Variants in CUL4B observed in about 807,000 individuals in gnomAD.
The protein encoded by CUL4B is cullin-4B.
A neutral mutation model predicts 69.2 loss-of-function variants in CUL4B; 1 was observed. That is an observed-to-expected ratio of 0.01 (90% CI 0.01 to 0.07). The LOEUF is 0.07. Ranked by LOEUF, CUL4B falls within the 10% of genes least tolerant of loss-of-function variation. The probability of loss-of-function intolerance (pLI) is 1.00; values close to 1 mark genes in which losing one functional copy is unlikely to be tolerated. For missense variants in CUL4B, 328 were observed against 638.8 expected (o/e 0.51, Z 5.24); for synonymous variants, 237 against 223.2 (o/e 1.06, Z -0.55).
chrX:120,559,495 A>G (rs1925160673), intron 1 of CUL4B, among the ~76,000 whole-genome samples: 1 of 112,398 alleles, frequency 8.9e-6, no homozygotes, highest in African/African-American at 3.2e-5. Context: ...CAGAGTTACT[A>G]CTTCTGTGTA....
chrX:120,528,175 G>C (rs1013866784), intron 19 of CUL4B, among the ~76,000 whole-genome samples: 3 of 110,650 alleles, frequency 2.7e-5, no homozygotes, highest in Non-Finnish European at 5.7e-5. Flanking sequence ...GGGAGGCTAA[G>C]ATGGGTGGAT....
Position 120,560,301 on chromosome X carries a change from T to C in CUL4B, c.338A>G (p.Asp113Gly). 1.7e-6 allele frequency: 2 copies of C among 1,211,686 alleles called. No individual in the cohort carries two copies. The highest frequency in any genetic ancestry group is 2.2e-6 in the Non-Finnish European group (2 of 895,498). Reference sequence around the variant, plus strand: ...GGAGGATTCCTCAGCCATCTTCGCATCAAACCCTACAAACTCCAGGGTGTC... The same window carrying C: ...GGAGGATTCCTCAGCCATCTTCGCACCAAACCCTACAAACTCCAGGGTGTC... ...FEDTLEFVGF[D>G]AKMAEESSSS... Residue 113 changes from aspartate (D) to glycine (G), a missense_variant, in exon 1 of 20, where the codon GAT (aspartate) becomes GGT (glycine). Around this residue, in one of 4 missense-constraint regions of CUL4B, gnomAD observed 102 missense variants for 122.1 expected, o/e 0.84. Transcript: ENST00000371322.
In CUL4B at chrX:120,525,350, T is replaced by C. The variant is rs1158697329; in HGVS notation, c.*1411A>G. 9.0e-6 allele frequency: 1 copy of C among 111,606 alleles called. No individual in the cohort carries two copies. The highest frequency in any genetic ancestry group is 1.9e-5 in the Non-Finnish European group (1 of 53,094). 9.2% of individuals were successfully genotyped at this position (111,606 alleles called of 1,213,427 possible). ...TGTGGCAAAAAGCATTAAGTAGTTC[T>C]GATTTTTAACAAACATAAACAAAAT... On this transcript the variant is annotated 3_prime_UTR_variant, in exon 20 of 20. Coordinates refer to ENST00000371322, the MANE Select transcript of CUL4B (RefSeq NM_001079872.2).
intron 17 of CUL4B, among the ~76,000 whole-genome samples, chrX:120,533,660 C>T (rs1287170388): frequency 8.9e-6 from 1 of 111,845 alleles, no homozygotes; most frequent in Non-Finnish European, 1.9e-5. Context: ...TGCCAGTCCA[C>T]GGTGATCTCT....
chrX:120,547,807 A>G (rs1312531806), intron 2 of CUL4B, among the ~76,000 whole-genome samples: 1 of 111,213 alleles, frequency 9.0e-6, no homozygotes, highest in Non-Finnish European at 1.9e-5. Context: ...ATCAGCTTCC[A>G]GTGAATATAA....
chrX:120,537,261 C>T (rs1022217953), intron 14 of CUL4B, among the ~76,000 whole-genome samples: 7 of 112,189 alleles, frequency 6.2e-5, no homozygotes, highest in Non-Finnish European at 1.1e-4. Context: ...CACATGACCT[C>T]ATTACAGGCG....
Position 120,539,346 on chromosome X carries a change from C to T in CUL4B, c.1663G>A (p.Ala555Thr), listed in dbSNP as rs1360202637. The change falls in exon 12 of 20, where the codon GCA becomes ACA. Residue 555 changes from alanine to threonine, a missense_variant. Around this residue, in one of 4 missense-constraint regions of CUL4B, gnomAD observed 98 missense variants for 296.8 expected, o/e 0.33. Transcript: ENST00000371322. ...TCATCTGTAGCTTCTTTGTTGCCTG[C>T]ACGAAGTTTTGAATCTACATACTTA... ...IAKYVDSKLR[A>T]GNKEATDEEL... 8.4e-7 allele frequency: 1 copy of T among 1,196,512 alleles called. No homozygotes were observed. Among genetic ancestry groups the T allele is most frequent in the Non-Finnish European group, 1.1e-6 (1 of 884,066 alleles).
Position 120,554,246 on chromosome X carries a change from G to A in CUL4B, c.672+3678C>T, listed in dbSNP as rs770822489. ...AAAAAACCCTACCATATAGGTAGCC[G>A]TTAGTCTCACCATCTTGTAAATGAG... is the stretch of plus-strand genomic sequence containing the variant. On this transcript the variant is annotated intron_variant, in intron 2 of 19. Transcript: ENST00000371322. Among the ~76,000 whole-genome samples the A allele has an allele frequency of 2.3e-4, 26 of 112,076 alleles. No homozygotes were observed. The South Asian group carries it at 7.7e-3, about 33-fold the overall frequency.
At chrX:120,543,870 A>C (rs1048784377) in intron 7 of CUL4B, 61 bp from the exon 8 acceptor site, 72 of 867,184 alleles carry the variant, frequency 8.3e-5, no homozygotes, top group Non-Finnish European at 1.1e-4. Flanking sequence ...GAAAATGTCA[A>C]GTCCAAAAGA....
upstream of CUL4B, among the ~76,000 whole-genome samples, chrX:120,565,330 T>C: frequency 9.2e-6 from 1 of 109,245 alleles, no homozygotes; most frequent in African/African-American, 3.3e-5. Context: ...TGAAGATGTT[T>C]CTGAGAATGC....
intron 2 of CUL4B, among the ~76,000 whole-genome samples, chrX:120,557,417 C>T (rs778922364): frequency 3.6e-5 from 4 of 111,583 alleles, no homozygotes; most frequent in Admixed American, 9.5e-5. Context: ...CTACAAACTG[C>T]TACTCATTTC....
chrX:120,543,023 T>C lies in CUL4B; in HGVS notation c.1267A>G (p.Ile423Val). The C allele has an allele frequency of 8.5e-7, 1 of 1,180,688 alleles. No individual in the cohort carries two copies. Among genetic ancestry groups the C allele is most frequent in the African/African-American group, 1.8e-5 (1 of 56,889 alleles). The change falls in exon 9 of 20, where the codon ATT (isoleucine) becomes GTT (valine). Residue 423 changes from isoleucine (I) to valine (V), a missense_variant. Transcript: ENST00000371322. ...YLDQTTQKSL[I>V]ATVEKQLLGE... Reference sequence around the variant, plus strand: ...AGAAGTTGTTTTTCTACAGTAGCAATTAATGACTTCCTACAAGGAAAAAAA... The same window carrying C: ...AGAAGTTGTTTTTCTACAGTAGCAACTAATGACTTCCTACAAGGAAAAAAA...
rs746854249 is a variant in CUL4B, at chrX:120,543,041, G to GAAA, written c.1257-11_1257-9dup. 2 of 898,050 alleles carry GAAA rather than the reference G, an allele frequency of 2.2e-6. No homozygotes were observed. Among genetic ancestry groups the GAAA allele is most frequent in the Non-Finnish European group, 3.0e-6 (2 of 664,177 alleles). The allele number at this position is 898,050 out of a possible 1,213,427, so 74.0% of individuals were successfully genotyped here. On this transcript the variant is annotated splice_polypyrimidine_tract_variant and intron_variant, in intron 8 of 19. Transcript: ENST00000371322. The stretch of plus-strand genomic sequence containing the variant: ...GTAGCAATTAATGACTTCCTACAAG[G>GAAA]AAAAAAAAAAAGGTTAGTATTATTG...
At chrX:120,555,259 G>A (rs1245116880) in intron 2 of CUL4B, among the ~76,000 whole-genome samples, 5 of 111,351 alleles carry the variant, frequency 4.5e-5, no homozygotes, top group Non-Finnish European at 9.4e-5. Context: ...AAATATTCAA[G>A]GTAAAGTAAA....
chrX:120,532,596 TGAA>T lies in CUL4B; in HGVS notation c.2267-5_2267-3del. ...GTGTTCTCCTTAACTCTCCATCCTC[TGAA>T]GAAGAAACAGAGGTTTAGTTATTTG... On this transcript the variant is annotated splice_polypyrimidine_tract_variant and splice_region_variant and intron_variant, in intron 17 of 19. Coordinates refer to ENST00000371322, the MANE Select transcript of CUL4B (RefSeq NM_001079872.2). 2 of 1,203,428 alleles carry T rather than the reference TGAA, an allele frequency of 1.7e-6. No homozygotes were observed. Among genetic ancestry groups the T allele is most frequent in the Non-Finnish European group, 2.2e-6 (2 of 890,680 alleles).
rs183407878 is a variant in CUL4B, at chrX:120,552,073, T to G, written c.673-4834A>C. 3.3e-3 allele frequency among the ~76,000 whole-genome samples: 371 copies of G among 112,464 alleles called. 1 individual carries two copies. Among genetic ancestry groups the G allele is most frequent in the African/African-American group, 0.012 (359 of 31,052 alleles). ...TTATGTATTTTTACATATTATGCAT[T>G]GTTTTATTTAAATATTATGTATTAT... On this transcript the variant is annotated intron_variant, in intron 2 of 19. Coordinates refer to ENST00000371322, the MANE Select transcript of CUL4B (RefSeq NM_001079872.2).
In CUL4B at chrX:120,544,417, T is replaced by C. The variant is rs2147334316; in HGVS notation, c.1083+64A>G. ...TGACATCAGCACATTACCTGTCTGATGTGGGGGGAAAAAAAACTAGGATAG... is the reference window on the plus strand; with the variant it reads ...TGACATCAGCACATTACCTGTCTGACGTGGGGGGAAAAAAAACTAGGATAG... On this transcript the variant is annotated intron_variant, in intron 6 of 19. Transcript: ENST00000371322. 7 of 1,111,092 alleles carry C rather than the reference T, an allele frequency of 6.3e-6. No individual in the cohort carries two copies. The South Asian group carries it at 1.3e-4, about 20-fold the overall frequency. 91.6% of individuals were successfully genotyped at this position (1,111,092 alleles called of 1,213,427 possible).
chrX:120,560,648 G>A lies in CUL4B; in HGVS notation c.-10C>T, dbSNP rs754840865. The A allele has an allele frequency of 1.7e-6, 2 of 1,199,416 alleles. No individual in the cohort carries two copies. The highest frequency in any genetic ancestry group is 4.4e-5 in the Admixed American group (2 of 45,854). The stretch of plus-strand genomic sequence containing the variant: ...AACCTGTTGGAAACATGAAAATAGC[G>A]GGGTCAACAGGCAGAGGAGCATCAA... On this transcript the variant is annotated 5_prime_UTR_variant, in exon 1 of 20. Transcript: ENST00000371322.
At chrX:120,527,410 G>A (rs750062298) in intron 19 of CUL4B, among the ~76,000 whole-genome samples, 39 of 109,220 alleles carry the variant, frequency 3.6e-4, no homozygotes, top group Non-Finnish European at 7.1e-4. Flanking sequence ...ATTTTTTTTT[G>A]GAGCTTTTAA....
Sources: gnomAD v4.1 joint callset for allele counts (sites outside exome capture counted in the v4.1 genomes callset) on GRCh38, gnomAD v4.1.1 for gene constraint, gnomAD v4.1.1 regional missense constraint, MANE v1.5 for transcripts, NCBI Gene and HGNC (gene_info 2026-07-23, HGNC 2026-07-21) for gene names.